MLANA: variants seen among roughly 807,000 people sequenced by gnomAD.
The protein encoded by MLANA is melanoma antigen recognized by T-cells 1.
A neutral mutation model predicts 15.7 loss-of-function variants in MLANA; 21 were observed. The ratio of observed to expected loss-of-function variants is 1.33; its 90% CI spans 0.95 to 1.92. The LOEUF is 1.92. Ranked by LOEUF, MLANA falls within the 40% of genes most tolerant of loss-of-function variation. The pLI is 0.00. For missense variants in MLANA, 164 were observed against 143.8 expected (o/e 1.14, Z -0.72); for synonymous variants, 56 against 51.5 (o/e 1.09, Z -0.37).
chr9:5,908,759 G>T lies in MLANA; in HGVS notation c.*51G>T. 1 of 1,544,234 alleles carries T rather than the reference G, an allele frequency of 6.5e-7. No homozygotes were observed. The highest frequency in any genetic ancestry group is 9.0e-7 in the Non-Finnish European group (1 of 1,117,118). On this transcript the variant is annotated 3_prime_UTR_variant, in exon 5 of 5. Transcript: ENST00000381477. ...CTGAAATTATTTCTCTCACACTTTT[G>T]CTTGAATTTAATACAGACATCTAAT...
At chr9:5,907,080 G>T in intron 4 of MLANA, 82 bp downstream of exon 4, 1 of 984,208 alleles carries the variant, frequency 1.0e-6, no homozygotes, top group Non-Finnish European at 1.5e-6. Context: ...CATTTAAAAA[G>T]CAAGGACAAT....
chr9:5,899,939 T>C (rs1357486012), intron 3 of MLANA, among the ~76,000 whole-genome samples: 2 of 152,210 alleles, frequency 1.3e-5, no homozygotes, highest in Non-Finnish European at 2.9e-5. Flanking sequence ...CCCAGACATG[T>C]TGGAAATCTG....
At chr9:5,904,400 T>C (rs573739882) in intron 3 of MLANA, among the ~76,000 whole-genome samples, 2 of 152,330 alleles carry the variant, frequency 1.3e-5, no homozygotes, top group African/African-American at 4.8e-5. Flanking sequence ...TTTACTCTTT[T>C]TCTGCCTTTT....
chr9:5,907,812 G>A (rs895387835), intron 4 of MLANA, among the ~76,000 whole-genome samples: 2 of 152,156 alleles, frequency 1.3e-5, no homozygotes, highest in African/African-American at 4.8e-5. Context: ...AATTAGCCAA[G>A]CGTGGTGGTG....
intron 2 of MLANA, among the ~76,000 whole-genome samples, chr9:5,896,454 A>T (rs1010819461): frequency 3.9e-5 from 6 of 152,210 alleles, no homozygotes; most frequent in Admixed American, 1.3e-4. Context: ...TTGGAGACGG[A>T]CAGGATAAGC....
At chr9:5,902,291 A>G (rs755049568) in intron 3 of MLANA, among the ~76,000 whole-genome samples, 28 of 152,312 alleles carry the variant, frequency 1.8e-4, no homozygotes, top group Admixed American at 3.3e-4. Flanking sequence ...TTGTGAGCAT[A>G]GTTCATAGTA....
chr9:5,897,730 G>C, intron 3 of MLANA, 77 bp downstream of exon 3: 2 of 1,248,710 alleles, frequency 1.6e-6, no homozygotes, highest in South Asian at 2.4e-5. Context: ...AATCTCTGGA[G>C]AGTCAGATAA....
chr9:5,892,461 C>T lies in MLANA; in HGVS notation c.-14C>T. The T allele has an allele frequency of 6.2e-7, 1 of 1,611,248 alleles. No individual in the cohort carries two copies. The highest frequency in any genetic ancestry group is 8.5e-7 in the Non-Finnish European group (1 of 1,178,714). ...GCTCCTTCTGTTAGGTGTCCTGTGC[C>T]CTGACCCTACAAGATGCCAAGAGAA... On this transcript the variant is annotated 5_prime_UTR_variant, in exon 2 of 5. Transcript: ENST00000381477.
chr9:5,894,102 C>G lies in MLANA; in HGVS notation c.77+1551C>G, dbSNP rs4742133. On this transcript the variant is annotated intron_variant, in intron 2 of 4. Transcript: ENST00000381477. This position sits in a 1 kb window ranked among gnomAD's most constrained non-coding sequence, Gnocchi z 4.0. Reference sequence around the variant, plus strand: ...CAGCAGAGGCAAATATTTGCACAATCCCATCCGACGAGAGGCTAGGGCAGA... The same window carrying G: ...CAGCAGAGGCAAATATTTGCACAATGCCATCCGACGAGAGGCTAGGGCAGA... Among the ~76,000 whole-genome samples the G allele has an allele frequency of 0.23, 34,627 of 151,884 alleles. 4,505 individuals carry two copies. Among genetic ancestry groups the G allele is most frequent in the East Asian group, 0.47 (2,417 of 5,130 alleles).
chr9:5,906,965 A>C lies in MLANA; in HGVS notation c.255A>C (p.Lys85Asn), dbSNP rs201230382. Residue 85 changes from lysine to asparagine, a missense_variant, in exon 4 of 5, where the codon AAA becomes AAC. By Grantham distance (94) the Lys-to-Asn change is moderately conservative (BLOSUM62 0). Coordinates refer to ENST00000381477, the MANE Select transcript of MLANA (RefSeq NM_005511.2). ...PQEGFDHRDSKVSLQEKNCEP... is the reference protein window; with the variant it reads ...PQEGFDHRDSNVSLQEKNCEP... ...AAGGGTTTGATCATCGGGACAGCAA[A>C]GTGTCTCTTCAAGAGAAAAACTGTG... The C allele has an allele frequency of 1.2e-6, 2 of 1,600,318 alleles. No individual in the cohort carries two copies. The highest frequency in any genetic ancestry group is 8.5e-7 in the Non-Finnish European group (1 of 1,174,876).
At chr9:5,907,458 A>G (rs182278202) in intron 4 of MLANA, among the ~76,000 whole-genome samples, 16 of 152,356 alleles carry the variant, frequency 1.1e-4, no homozygotes, top group African/African-American at 3.4e-4. Context: ...CACTTAAAAC[A>G]CAGGAGTTTG....
Position 5,908,846 on chromosome 9 carries a change from A to G in MLANA, c.*138A>G. The G allele has an allele frequency of 1.4e-6, 1 of 735,660 alleles. No individual in the cohort carries two copies. Among genetic ancestry groups the G allele is most frequent in the Admixed American group, 2.6e-5 (1 of 38,848 alleles). The allele number at this position is 735,660 out of a possible 1,614,324, so 45.6% of individuals were successfully genotyped here. ...ATCTCTAATAATAAGTCAGTGTTAA[A>G]ATTTTAGTAGGTCCGCTAGCAGTAC... On this transcript the variant is annotated 3_prime_UTR_variant, in exon 5 of 5. Transcript: ENST00000381477.
chr9:5,901,803 T>G (rs1258313857), intron 3 of MLANA, among the ~76,000 whole-genome samples: 2 of 152,216 alleles, frequency 1.3e-5, no homozygotes, highest in African/African-American at 4.8e-5. Flanking sequence ...ATTACAGGCG[T>G]GAGCCACCAC....
At chr9:5,904,505 CT>C (rs1385187325) in intron 3 of MLANA, among the ~76,000 whole-genome samples, 1 of 152,212 alleles carries the variant, frequency 6.6e-6, no homozygotes, top group Non-Finnish European at 1.5e-5. Flanking sequence ...ATCTCACTCA[CT>C]CTGTCGCCCA....
chr9:5,902,601 C>T (rs993110829), intron 3 of MLANA, among the ~76,000 whole-genome samples: 1 of 151,890 alleles, frequency 6.6e-6, no homozygotes, highest in African/African-American at 2.4e-5. Context: ...TCCTGAGTAG[C>T]TAGGACTACA....
rs951781514 is a variant in MLANA, at chr9:5,894,446, G to A, written c.77+1895G>A. ...TACCCCCGTGTCTGGGGTAACAAAC[G>A]GAAGGGTGAGGCCATCAGGACCTAG... On this transcript the variant is annotated intron_variant, in intron 2 of 4. Coordinates refer to ENST00000381477, the MANE Select transcript of MLANA (RefSeq NM_005511.2). The surrounding 1 kb of genome is among the most constrained non-coding windows in gnomAD (Gnocchi z 4.0). Among the ~76,000 whole-genome samples the A allele has an allele frequency of 3.9e-5, 6 of 152,144 alleles. No homozygotes were observed. The highest frequency in any genetic ancestry group is 7.3e-5 in the Non-Finnish European group (5 of 68,030).
At chr9:5,899,766 A>G (rs1380631477) in intron 3 of MLANA, among the ~76,000 whole-genome samples, 3 of 152,190 alleles carry the variant, frequency 2.0e-5, no homozygotes, top group Non-Finnish European at 2.9e-5. Context: ...ACCACAACAG[A>G]GAATATTTCT....
chr9:5,905,486 G>A (rs1382738344), intron 3 of MLANA, among the ~76,000 whole-genome samples: 1 of 152,194 alleles, frequency 6.6e-6, no homozygotes, highest in Non-Finnish European at 1.5e-5. Flanking sequence ...GTTAAATCAT[G>A]CCCTTCAAAC....
intron 4 of MLANA, among the ~76,000 whole-genome samples, chr9:5,907,876 C>T (rs778749712): frequency 6.6e-6 from 1 of 152,158 alleles, no homozygotes; most frequent in Admixed American, 6.5e-5. Flanking sequence ...TCACTTGAAC[C>T]CGGGAGGTGG....
Sources: allele counts gnomAD v4.1 joint callset (sites outside exome capture counted in the v4.1 genomes callset), GRCh38; gene constraint gnomAD v4.1.1; non-coding constraint Gnocchi (gnomAD v3.1); transcripts MANE v1.5; gene names NCBI Gene and HGNC (gene_info 2026-07-23, HGNC 2026-07-21).